The following PLCB1 variants were observed in gnomAD, a reference collection of about 807,000 sequenced individuals.
The protein encoded by PLCB1 is phospholipase C beta 1, also known as 1-phosphatidylinositol 4,5-bisphosphate phosphodiesterase beta-1.
PLCB1 carries 46 observed loss-of-function variants against 161.8 expected under a neutral mutation model. The ratio of observed to expected loss-of-function variants is 0.28; its 90% CI spans 0.22 to 0.36. The LOEUF (loss-of-function observed/expected upper bound fraction) is 0.36, where lower values mean the gene tolerates loss of function less well. Ranked by LOEUF, PLCB1 falls within the 10% of genes least tolerant of loss-of-function variation. The probability of loss-of-function intolerance (pLI) is 1.00; values close to 1 mark genes in which losing one functional copy is unlikely to be tolerated. For synonymous variants in PLCB1, 517 were observed against 503.7 expected (o/e 1.03, Z -0.35); for missense variants, 1,016 against 1,472.5 (o/e 0.69, Z 5.07).
chr20:8,449,051 T>G (rs1195648405), intron 3 of PLCB1, among the ~76,000 whole-genome samples: 1 of 152,240 alleles, frequency 6.6e-6, no homozygotes, highest in Non-Finnish European at 1.5e-5. Context: ...TCATTTATTC[T>G]TAAATGCAAA....
chr20:8,282,963 G>A (rs12480889), intron 2 of PLCB1, among the ~76,000 whole-genome samples: 11,213 of 151,948 alleles, frequency 0.074, 510 homozygotes, highest in East Asian at 0.19. Context: ...AAGAGCTGAC[G>A]TGGTTCTCCG....
At chr20:8,871,575 C>T (rs1302511547) in intron 31 of PLCB1, among the ~76,000 whole-genome samples, 3 of 152,174 alleles carry the variant, frequency 2.0e-5, no homozygotes, top group Non-Finnish European at 4.4e-5. Context: ...TGCTTGTCAC[C>T]TAGGACGGAT....
At chr20:8,341,247 C>T (rs1270248265) in intron 2 of PLCB1, among the ~76,000 whole-genome samples, 1 of 152,160 alleles carries the variant, frequency 6.6e-6, no homozygotes, top group Non-Finnish European at 1.5e-5. Context: ...TACAGCCAAA[C>T]TCCTTAGAAA....
intron 2 of PLCB1, among the ~76,000 whole-genome samples, chr20:8,214,081 AAGGAGGTTG>A (rs1317546911): frequency 7.9e-5 from 12 of 152,270 alleles, no homozygotes; most frequent in Admixed American, 3.9e-4. Context: ...AAGCGAAACA[AAGGAGGTTG>A]AGGTAAAGAG....
chr20:8,429,562 G>A (rs1393249869), intron 3 of PLCB1, among the ~76,000 whole-genome samples: 1 of 152,004 alleles, frequency 6.6e-6, no homozygotes, highest in Non-Finnish European at 1.5e-5. Context: ...ACTAACAAGG[G>A]TGAATGATGG....
chr20:8,295,868 C>A (rs1179598455), intron 2 of PLCB1, among the ~76,000 whole-genome samples: 1 of 152,054 alleles, frequency 6.6e-6, no homozygotes, highest in Admixed American at 6.6e-5. Flanking sequence ...CACCACCACG[C>A]CTGGCTGATT....
intron 3 of PLCB1, among the ~76,000 whole-genome samples, chr20:8,574,169 G>A (rs934650780): frequency 6.6e-6 from 1 of 152,348 alleles, no homozygotes; most frequent in Admixed American, 6.5e-5. Context: ...TTGGGAGGCT[G>A]AGGCAGGCGG....
intron 2 of PLCB1, among the ~76,000 whole-genome samples, chr20:8,328,576 TAATA>T (rs905074360): frequency 6.6e-5 from 10 of 150,886 alleles, no homozygotes; most frequent in Non-Finnish European, 1.0e-4. Flanking sequence ...TCTGGGTGAC[TAATA>T]AATATATACA....
intron 3 of PLCB1, among the ~76,000 whole-genome samples, chr20:8,501,290 G>C (rs944923800): frequency 6.6e-6 from 1 of 152,132 alleles, no homozygotes; most frequent in Non-Finnish European, 1.5e-5. Context: ...CTCCATCCTC[G>C]CTGTCAGATC....
At chr20:8,284,040 C>T (rs1289198046) in intron 2 of PLCB1, among the ~76,000 whole-genome samples, 1 of 151,088 alleles carries the variant, frequency 6.6e-6, no homozygotes, top group Admixed American at 6.6e-5. Flanking sequence ...TGTTCTGTTA[C>T]AATATTTAGA....
intron 2 of PLCB1, among the ~76,000 whole-genome samples, chr20:8,182,987 CTGTT>C (rs386812282): frequency 5.7e-5 from 1 of 17,522 alleles, no homozygotes; most frequent in Non-Finnish European, 9.6e-5. Context: ...TAAAAAAGAA[CTGTT>C]TTTTTTGGTA....
chr20:8,771,249 G>T (rs1018726980), intron 26 of PLCB1, among the ~76,000 whole-genome samples: 5 of 152,052 alleles, frequency 3.3e-5, no homozygotes, highest in African/African-American at 1.2e-4. Flanking sequence ...ATGTTGAAAT[G>T]ATATTTTGGA....
chr20:8,637,990 C>T (rs1312209116), intron 4 of PLCB1, among the ~76,000 whole-genome samples: 1 of 152,140 alleles, frequency 6.6e-6, no homozygotes, highest in East Asian at 1.9e-4. Context: ...GCCTCCTGGG[C>T]TCACCCGCCA....
At chr20:8,185,955 A>C (rs2051899807) in intron 2 of PLCB1, among the ~76,000 whole-genome samples, 1 of 152,186 alleles carries the variant, frequency 6.6e-6, no homozygotes, top group Non-Finnish European at 1.5e-5. Context: ...CTCCCTTGAA[A>C]ACCTTTAAAA....
intron 23 of PLCB1, chr20:8,750,864 G>A (rs1198748309): frequency 1.5e-6 from 2 of 1,364,922 alleles, no homozygotes; most frequent in African/African-American, 3.0e-5. Context: ...AAAACTGATG[G>A]CCTTACCTCT....
intron 2 of PLCB1, among the ~76,000 whole-genome samples, chr20:8,308,793 G>T (rs1984254355): frequency 1.3e-5 from 2 of 151,828 alleles, no homozygotes; most frequent in Admixed American, 6.6e-5. Context: ...GTACTTTTTG[G>T]TCATAACTCT....
Position 8,614,261 on chromosome 20 carries a change from T to C in PLCB1, c.247-14033T>C, listed in dbSNP as rs138339702. Reference sequence around the variant, plus strand: ...GCTGTAGGTACGATAAGTTGAAATATCAATACCTTTGGCCCTGCAATTACA... The same window carrying C: ...GCTGTAGGTACGATAAGTTGAAATACCAATACCTTTGGCCCTGCAATTACA... On this transcript the variant is annotated intron_variant, in intron 3 of 31. Coordinates refer to ENST00000338037, the MANE Select transcript of PLCB1 (RefSeq NM_015192.4). 3.1e-3 allele frequency among the ~76,000 whole-genome samples: 468 copies of C among 152,172 alleles called. 4 individuals are homozygous for C. Among genetic ancestry groups the C allele is most frequent in the African/African-American group, 0.011 (444 of 41,540 alleles).
chr20:8,646,281 A>G (rs1989171222), intron 5 of PLCB1, 100 bp downstream of exon 5: 4 of 780,444 alleles, frequency 5.1e-6, no homozygotes, highest in Non-Finnish European at 8.9e-6. Flanking sequence ...GACTTCTCAC[A>G]TTGATAAACA....
chr20:8,830,615 T>A (rs1985936585), intron 31 of PLCB1, among the ~76,000 whole-genome samples: 1 of 152,160 alleles, frequency 6.6e-6, no homozygotes, highest in African/African-American at 2.4e-5. Flanking sequence ...ACCCACCCAT[T>A]ACTTCATTTT....
Sources: allele counts gnomAD v4.1 joint callset (sites outside exome capture counted in the v4.1 genomes callset), GRCh38; gene constraint gnomAD v4.1.1; transcripts MANE v1.5; gene names NCBI Gene and HGNC (gene_info 2026-07-23, HGNC 2026-07-21).